The following AMD1 variants were observed in gnomAD, a reference collection of about 807,000 sequenced individuals.
AMD1 encodes S-adenosylmethionine decarboxylase proenzyme.
A neutral mutation model predicts 40.2 loss-of-function variants in AMD1; 11 were observed. That is an observed-to-expected ratio of 0.27 (90% CI 0.17 to 0.45). AMD1 has a LOEUF of 0.45. Ranked by LOEUF, AMD1 falls within the 20% of genes least tolerant of loss-of-function variation. The pLI, the probability that AMD1 is intolerant of heterozygous loss-of-function variation, is 1.00. For synonymous variants in AMD1, 121 were observed against 130.8 expected (o/e 0.93, Z 0.51); for missense variants, 257 against 410.2 (o/e 0.63, Z 3.23).
the AMD1 span, among the ~76,000 whole-genome samples, chr6:110,854,375 A>T: frequency 6.6e-6 from 1 of 152,186 alleles, no homozygotes; most frequent in Non-Finnish European, 1.5e-5. Flanking sequence ...ACTAACTTTT[A>T]TGTAGGGCAG....
the AMD1 span, among the ~76,000 whole-genome samples, chr6:110,819,286 G>A: frequency 1.3e-5 from 2 of 152,186 alleles, no homozygotes; most frequent in Admixed American, 6.5e-5. Flanking sequence ...GAACCTGGGA[G>A]GCAGAGGTTG....
the AMD1 span, among the ~76,000 whole-genome samples, chr6:110,834,686 C>G: frequency 6.6e-6 from 1 of 151,948 alleles, no homozygotes; most frequent in South Asian, 2.1e-4. Flanking sequence ...CGGCCAGGCA[C>G]TGTGGCTCAC....
chr6:110,825,857 G>A, the AMD1 span, among the ~76,000 whole-genome samples: 1 of 152,134 alleles, frequency 6.6e-6, no homozygotes, highest in Non-Finnish European at 1.5e-5. Context: ...GTAGGACTGG[G>A]AGGCAGTGGG....
chr6:110,866,954 C>T, the AMD1 span, among the ~76,000 whole-genome samples: 1 of 151,996 alleles, frequency 6.6e-6, no homozygotes, highest in Non-Finnish European at 1.5e-5. Flanking sequence ...GCTGGGATTA[C>T]ATGCGCCCAA....
intron 3 of AMD1, chr6:110,890,015 G>A (rs1217527319): frequency 3.0e-4 from 75 of 250,696 alleles, no homozygotes; most frequent in East Asian, 6.0e-4. Flanking sequence ...TTAAAAAAAA[G>A]AGAGAGAGAG....
At chr6:110,855,983 G>A in the AMD1 span, among the ~76,000 whole-genome samples, 7 of 152,112 alleles carry the variant, frequency 4.6e-5, no homozygotes, top group Admixed American at 2.0e-4. Context: ...CGGAGGCTGC[G>A]GTAGGAGGAT....
the AMD1 span, among the ~76,000 whole-genome samples, chr6:110,823,026 A>G: frequency 6.6e-6 from 1 of 152,314 alleles, no homozygotes; most frequent in South Asian, 2.1e-4. Flanking sequence ...GAGGCAGGAA[A>G]ATCACTTGAA....
At chr6:110,861,563 C>G in the AMD1 span, among the ~76,000 whole-genome samples, 1 of 151,094 alleles carries the variant, frequency 6.6e-6, no homozygotes, top group Admixed American at 6.6e-5. Flanking sequence ...TAAAATAGGC[C>G]AGGCACGGTG....
chr6:110,825,464 C>A, the AMD1 span, among the ~76,000 whole-genome samples: 2 of 152,172 alleles, frequency 1.3e-5, no homozygotes, highest in Non-Finnish European at 2.9e-5. Flanking sequence ...CCTCTGCTTT[C>A]TTTTTTCCAT....
At chr6:110,892,474 A>C in intron 6 of AMD1, 31 bp downstream of exon 6, 1 of 1,609,632 alleles carries the variant, frequency 6.2e-7, no homozygotes, top group African/African-American at 1.3e-5. Context: ...TTGTTGCTGG[A>C]CTCTTCTGCG....
chr6:110,884,607 T>G (rs1375877100), intron 1 of AMD1, among the ~76,000 whole-genome samples: 1 of 152,102 alleles, frequency 6.6e-6, no homozygotes, highest in Non-Finnish European at 1.5e-5. Flanking sequence ...CTGCCTTTTT[T>G]CTTTTTAAGA....
chr6:110,861,854 C>A, the AMD1 span, among the ~76,000 whole-genome samples: 6 of 150,514 alleles, frequency 4.0e-5, no homozygotes, highest in East Asian at 1.9e-4. Flanking sequence ...ATCACACACA[C>A]AAAAAAAAGA....
chr6:110,836,011 T>TAAA, the AMD1 span, among the ~76,000 whole-genome samples: 2 of 51,138 alleles, frequency 3.9e-5, no homozygotes, highest in African/African-American at 9.2e-5. Flanking sequence ...AGACCTTGAC[T>TAAA]CAAAAAAAAA....
chr6:110,887,799 C>A (rs1785777244), intron 2 of AMD1, among the ~76,000 whole-genome samples: 1 of 152,076 alleles, frequency 6.6e-6, no homozygotes, highest in Non-Finnish European at 1.5e-5. Context: ...AATTCTCCGG[C>A]CTAAGCCTCC....
chr6:110,865,942 C>T, the AMD1 span, among the ~76,000 whole-genome samples: 2 of 149,168 alleles, frequency 1.3e-5, no homozygotes, highest in South Asian at 4.3e-4. Flanking sequence ...TTTGAATTTT[C>T]AGTAGAGATG....
the AMD1 span, among the ~76,000 whole-genome samples, chr6:110,833,417 A>G: frequency 1.3e-5 from 2 of 152,236 alleles, no homozygotes; most frequent in Non-Finnish European, 2.9e-5. Flanking sequence ...GAAAAAAAGA[A>G]CACTTCAGGT....
the AMD1 span, among the ~76,000 whole-genome samples, chr6:110,825,708 T>C: frequency 6.6e-6 from 1 of 152,008 alleles, no homozygotes; most frequent in African/African-American, 2.4e-5. Flanking sequence ...CTTCCAGGAG[T>C]GATATTCAGA....
intron 1 of AMD1, among the ~76,000 whole-genome samples, chr6:110,880,773 A>T (rs986559521): frequency 1.4e-4 from 21 of 152,090 alleles, no homozygotes; most frequent in Non-Finnish European, 2.9e-4. Flanking sequence ...CCTGGGTTCA[A>T]GTGATTCTCC....
chr6:110,834,405 A>T, the AMD1 span, among the ~76,000 whole-genome samples: 1 of 152,192 alleles, frequency 6.6e-6, no homozygotes, highest in Non-Finnish European at 1.5e-5. Context: ...AAACAGAAAT[A>T]AAAATAGTGA....
Sources: gnomAD v4.1 joint callset for allele counts (sites outside exome capture counted in the v4.1 genomes callset) on GRCh38, gnomAD v4.1.1 for gene constraint, MANE v1.5 for transcripts, NCBI Gene and HGNC (gene_info 2026-07-23, HGNC 2026-07-21) for gene names.